GRIP1: variants seen among roughly 807,000 people sequenced by gnomAD.
The protein encoded by GRIP1 is glutamate receptor interacting protein 1, also known as glutamate receptor-interacting protein 1.
In GRIP1, 45 loss-of-function variants were observed where a neutral mutation model predicts 129.9. The ratio of observed to expected loss-of-function variants is 0.35; its 90% CI spans 0.27 to 0.44. GRIP1 has a LOEUF of 0.44. Among genes scored for constraint, GRIP1 ranks in the 20% least tolerant of loss-of-function variants. The probability of loss-of-function intolerance (pLI) is 1.00; values close to 1 mark genes in which losing one functional copy is unlikely to be tolerated. For synonymous variants in GRIP1, 530 were observed against 520.8 expected, an observed-to-expected ratio of 1.02 and a Z score of -0.24; for missense variants, 1,196 against 1,396.8, an observed-to-expected ratio of 0.86 and a Z score of 2.29.
At chr12:66,577,591 A>C (rs1565878719) in intron 2 of GRIP1, among the ~76,000 whole-genome samples, 1 of 152,174 alleles carries the variant, frequency 6.6e-6, no homozygotes, top group Non-Finnish European at 1.5e-5. Context: ...TTGATTTGAC[A>C]AACATGGGTT....
At chr12:66,441,412 T>C (rs2058468838) in intron 13 of GRIP1, among the ~76,000 whole-genome samples, 1 of 152,142 alleles carries the variant, frequency 6.6e-6, no homozygotes, top group Non-Finnish European at 1.5e-5. Context: ...AGGGGTCTCC[T>C]TTTTTCCTGT....
intron 14 of GRIP1, among the ~76,000 whole-genome samples, chr12:66,424,728 T>C (rs973549656): frequency 2.0e-5 from 3 of 152,348 alleles, no homozygotes; most frequent in Non-Finnish European, 4.4e-5. Context: ...TTTAGTTATC[T>C]GATGTCTTGA....
chr12:66,485,508 A>C lies in GRIP1; in HGVS notation c.725-20086T>G, dbSNP rs1303353209. Among the ~76,000 whole-genome samples, 6 of 151,902 alleles carry C rather than the reference A, an allele frequency of 3.9e-5. No homozygotes were observed. In the East Asian group the frequency reaches 1.2e-3, roughly 29 times the overall value. The stretch of plus-strand genomic sequence containing the variant: ...AGTCATTGTTGGATATGTGATTTGC[A>C]AATATACTTTCCTCCCTCTATGACT... On this transcript the variant is annotated intron_variant, in intron 7 of 24. Coordinates refer to ENST00000359742, the MANE Select transcript of GRIP1 (RefSeq NM_001366722.1).
intron 1 of GRIP1, among the ~76,000 whole-genome samples, chr12:66,770,267 AGC>A (rs2037775458): frequency 6.6e-6 from 1 of 152,256 alleles, no homozygotes; most frequent in South Asian, 2.1e-4. Flanking sequence ...TAATATCAAA[AGC>A]AGTCCTTTAG....
rs540924231 is a variant in GRIP1 at position 66,512,577 on chromosome 12, G to A, written c.724+3042C>T. On this transcript the variant is annotated intron_variant, in intron 7 of 24. Transcript: ENST00000359742. The stretch of plus-strand genomic sequence containing the variant: ...AGAAAAGTTTTTATGAAAAACAGAT[G>A]ACTAATGCCTTTAATATATAAATAG... Among the ~76,000 whole-genome samples the A allele has an allele frequency of 5.7e-4, 86 of 151,330 alleles. 5 individuals carry two copies. The highest frequency in any genetic ancestry group is 2.1e-3 in the African/African-American group (84 of 40,948).
chr12:66,791,411 A>G (rs1028960935), intron 1 of GRIP1, among the ~76,000 whole-genome samples: 3 of 152,180 alleles, frequency 2.0e-5, no homozygotes, highest in Non-Finnish European at 4.4e-5. Context: ...ATTGATGACT[A>G]GTGTTGAGAA....
At chr12:66,388,417 G>A (rs2056448452) in intron 19 of GRIP1, among the ~76,000 whole-genome samples, 2 of 152,190 alleles carry the variant, frequency 1.3e-5, no homozygotes, top group Admixed American at 6.5e-5. Context: ...GTTACAGAGA[G>A]CACAAGAGCT....
Position 66,839,831 on chromosome 12 carries a change from C to T in GRIP1, c.58+229219G>A, listed in dbSNP as rs577365286. ...ACTCTGTGCAAGGCACTCTGCTAAGCGCTTCAGATTAACAGAGAGCCAGAT... is the reference window on the plus strand; with the variant it reads ...ACTCTGTGCAAGGCACTCTGCTAAGTGCTTCAGATTAACAGAGAGCCAGAT... On this transcript the variant is annotated intron_variant, in intron 1 of 1. Transcript: ENST00000643019. 9.7e-4 allele frequency among the ~76,000 whole-genome samples: 148 copies of T among 152,308 alleles called. 2 individuals carry two copies. The highest frequency in any genetic ancestry group is 3.2e-3 in the African/African-American group (134 of 41,556).
intron 1 of GRIP1, among the ~76,000 whole-genome samples, chr12:66,956,607 A>C (rs1161286765): frequency 1.3e-5 from 2 of 152,220 alleles, no homozygotes; most frequent in Admixed American, 1.3e-4. Flanking sequence ...CACACAATTA[A>C]TAAATGTTTA....
At chr12:66,594,377 C>A (rs1179796041) in intron 2 of GRIP1, among the ~76,000 whole-genome samples, 1 of 152,204 alleles carries the variant, frequency 6.6e-6, no homozygotes, top group Non-Finnish European at 1.5e-5. Context: ...TTGTCCAATC[C>A]ACAACCCATA....
intron 1 of GRIP1, among the ~76,000 whole-genome samples, chr12:66,799,945 A>G (rs978946991): frequency 1.3e-5 from 2 of 152,194 alleles, no homozygotes; most frequent in Admixed American, 6.6e-5. Flanking sequence ...GACATGAAAG[A>G]AAGTGAAGCA....
chr12:66,656,872 C>T (rs1254777825), intron 1 of GRIP1, among the ~76,000 whole-genome samples: 1 of 152,046 alleles, frequency 6.6e-6, no homozygotes, highest in East Asian at 1.9e-4. Flanking sequence ...TGAATTTTCT[C>T]TTTGGCTTTT....
At chr12:66,785,319 C>T (rs1227781957) in intron 1 of GRIP1, among the ~76,000 whole-genome samples, 135 of 43,548 alleles carry the variant, frequency 3.1e-3, no homozygotes, top group African/African-American at 9.3e-3. Flanking sequence ...TACATACATA[C>T]ATACATACAT....
At position 66,899,726 on chromosome 12, in the gene GRIP1, T is replaced by C. The variant is rs558188966; in HGVS notation, c.58+169324A>G. ...CTATGGGGTAGATACTAGACTTCAATTGCTCATGCATGCAGAACTACTCTG... is the reference window on the plus strand; with the variant it reads ...CTATGGGGTAGATACTAGACTTCAACTGCTCATGCATGCAGAACTACTCTG... On this transcript the variant is annotated intron_variant, in intron 1 of 1. Coordinates refer to the GRIP1 transcript ENST00000643019. Among the ~76,000 whole-genome samples, 5 of 152,288 alleles carry C rather than the reference T, an allele frequency of 3.3e-5. No homozygotes were observed. The South Asian group carries it at 8.3e-4, about 25-fold the overall frequency.
chr12:66,657,714 G>A (rs117225982), intron 1 of GRIP1, among the ~76,000 whole-genome samples: 343 of 152,204 alleles, frequency 2.3e-3, no homozygotes, highest in African/African-American at 7.9e-3. Flanking sequence ...CAGCCCTGAC[G>A]GGTTTCCTTT....
At chr12:66,475,055 C>A (rs1398425890) in intron 7 of GRIP1, among the ~76,000 whole-genome samples, 2 of 151,674 alleles carry the variant, frequency 1.3e-5, no homozygotes, top group African/African-American at 2.4e-5. Flanking sequence ...AGAGTCAAGA[C>A]CCATCAGTGT....
intron 8 of GRIP1, 90 bp downstream of exon 8, chr12:66,465,185 A>G: frequency 9.3e-7 from 1 of 1,073,146 alleles, no homozygotes; most frequent in South Asian, 1.3e-5. Context: ...ACCTCAGGTG[A>G]TTCACCCGCC....
chr12:66,412,181 G>C (rs1198294535), intron 15 of GRIP1, among the ~76,000 whole-genome samples: 1 of 152,036 alleles, frequency 6.6e-6, no homozygotes, highest in East Asian at 1.9e-4. Flanking sequence ...CATAATCGTT[G>C]GATTCTCCAA....
chr12:66,610,453 C>A (rs2064745952), intron 1 of GRIP1, among the ~76,000 whole-genome samples: 1 of 152,110 alleles, frequency 6.6e-6, no homozygotes, highest in South Asian at 2.1e-4. Context: ...AGTCGGAAAC[C>A]ACCATCTCTA....
Sources: allele counts gnomAD v4.1 joint callset (sites outside exome capture counted in the v4.1 genomes callset), GRCh38; gene constraint gnomAD v4.1.1; transcripts MANE v1.5; gene names NCBI Gene and HGNC (gene_info 2026-07-23, HGNC 2026-07-21).